Variants in ARHGAP29 observed in about 807,000 individuals in gnomAD.
ARHGAP29 encodes the protein rho GTPase-activating protein 29.
ARHGAP29 carries 43 observed loss-of-function variants against 122.6 expected under a neutral mutation model. The ratio of observed to expected loss-of-function variants is 0.35; its 90% CI spans 0.27 to 0.45. ARHGAP29 has a LOEUF of 0.45. ARHGAP29 is among the 20% of genes least tolerant of loss of function. The pLI, the probability that ARHGAP29 is intolerant of heterozygous loss-of-function variation, is 1.00. For synonymous variants in ARHGAP29, 506 were observed against 497.1 expected (o/e 1.02, Z -0.24); for missense variants, 1,303 against 1,477.2 (o/e 0.88, Z 1.93).
chr1:94,202,568 C>A lies in ARHGAP29; in HGVS notation c.1119G>T (p.Arg373Ser). Residue 373 changes from arginine to serine, a missense_variant, in exon 11 of 23, where the codon AGG becomes AGT. By Grantham distance (110) the Arg-to-Ser change is moderately radical. This residue lies in a region of ARHGAP29 where 592 missense variants were observed against 648.2 expected (regional missense o/e 0.91). Transcript: ENST00000260526. ...NLNKQLEKKR[R>S]LEEEALQKVE... ...CTTTTTGGAGAGCCTCCTCTTCCAA[C>A]CTTCGCTTTTTTTCTAGTTGCTTGT... 6.2e-7 allele frequency: 1 copy of A among 1,614,144 alleles called. No homozygotes were observed. Among genetic ancestry groups the A allele is most frequent in the Non-Finnish European group, 8.5e-7 (1 of 1,180,036 alleles).
At chr1:94,185,794 T>G (rs1488231004) in intron 16 of ARHGAP29, among the ~76,000 whole-genome samples, 1 of 152,168 alleles carries the variant, frequency 6.6e-6, no homozygotes. Flanking sequence ...TTCATAGAGC[T>G]GGGAAGTGTG....
At chr1:94,308,615 G>T in the ARHGAP29 span, among the ~76,000 whole-genome samples, 1 of 152,016 alleles carries the variant, frequency 6.6e-6, no homozygotes, top group Non-Finnish European at 1.5e-5. Context: ...TGTTGGATGG[G>T]GTTGCATCTT....
the ARHGAP29 span, among the ~76,000 whole-genome samples, chr1:94,314,579 C>T: frequency 6.6e-6 from 1 of 152,204 alleles, no homozygotes; most frequent in African/African-American, 2.4e-5. Flanking sequence ...ACCACTCAGA[C>T]AGACCCCTTT....
chr1:94,251,524 T>G (rs1654093421), intron 1 of ARHGAP29, among the ~76,000 whole-genome samples: 1 of 152,174 alleles, frequency 6.6e-6, no homozygotes, highest in Non-Finnish European at 1.5e-5. Context: ...AAATTGACAT[T>G]AACATGAAGT....
intron 3 of ARHGAP29, among the ~76,000 whole-genome samples, chr1:94,218,260 GT>G (rs1268638937): frequency 6.6e-6 from 1 of 152,152 alleles, no homozygotes; most frequent in Non-Finnish European, 1.5e-5. Context: ...GTCTCATAGA[GT>G]TCTACCAAAC....
In ARHGAP29 at chr1:94,227,103, A is replaced by T. The variant is rs912783880; in HGVS notation, c.205+4304T>A. 2.0e-5 allele frequency among the ~76,000 whole-genome samples: 3 copies of T among 148,310 alleles called. No individual in the cohort carries two copies. The Admixed American group carries it at 2.1e-4, about 10-fold the overall frequency. ...TGCAGAACCTCTCATAACAGAATAT[A>T]TTATTTAATGGTATTAAACTTTTCA... On this transcript the variant is annotated intron_variant, in intron 2 of 22. Transcript: ENST00000260526.
rs1409803371 is a variant in ARHGAP29 at position 94,202,673 on chromosome 1, T to C, written c.1014A>G (p.Glu338=). Residue 338 remains glutamate, a synonymous_variant, in exon 11 of 23, where the codon GAA becomes GAG. Transcript: ENST00000260526. Reference sequence around the variant, plus strand: ...ACATGGAAGACTTTGCTTTCTCATATTCATCTTGACGTTGCATGCATAATA... The same window carrying C: ...ACATGGAAGACTTTGCTTTCTCATACTCATCTTGACGTTGCATGCATAATA... ...AKLLCMQRQD[E]YEKAKSSMFR... is the part of the protein sequence containing the mutation. The C allele has an allele frequency of 4.3e-6, 7 of 1,614,202 alleles. No individual in the cohort carries two copies. The highest frequency in any genetic ancestry group is 5.9e-6 in the Non-Finnish European group (7 of 1,180,038).
chr1:94,177,995 T>A lies in ARHGAP29; in HGVS notation c.2653A>T (p.Ile885Phe). The A allele has an allele frequency of 6.2e-7, 1 of 1,614,156 alleles. No individual in the cohort carries two copies. The change falls in exon 21 of 23, where the codon ATC (isoleucine) becomes TTC (phenylalanine). Residue 885 changes from isoleucine (I) to phenylalanine (F), a missense_variant. Ile to Phe is a conservative substitution (Grantham distance 21, BLOSUM62 0). This residue lies in a region of ARHGAP29 where 620 missense variants were observed against 651.2 expected (regional missense o/e 0.95). Transcript: ENST00000260526. ...TGTGGTTGTAGGGACCCATCGAAGA[T>A]CTTCTGTGAGTAAGTAATGAGAAAC... Reference protein sequence around the residue: ...VEFLITYSQKIFDGSLQPQDV... With the variant: ...VEFLITYSQKFFDGSLQPQDV...
intron 5 of ARHGAP29, among the ~76,000 whole-genome samples, chr1:94,207,091 C>T (rs1651250321): frequency 1.2e-5 from 1 of 81,056 alleles, no homozygotes; most frequent in Admixed American, 1.7e-4. Context: ...TCACTGCAAC[C>T]TCTGCCTTCT....
chr1:94,264,942 TTCAC>T lies in ARHGAP29; in HGVS notation c.-33+10066_-33+10069del, dbSNP rs767074403. Reference sequence around the variant, plus strand: ...TTGCCCCTGACTCTGGTGACTCCCTTTCACTTTGGCTCAAGGCTTTACTATTCCC... The same window carrying T: ...TTGCCCCTGACTCTGGTGACTCCCTTTTTGGCTCAAGGCTTTACTATTCCC... On this transcript the variant is annotated intron_variant and NMD_transcript_variant, in intron 1 of 25. Coordinates refer to the ARHGAP29 transcript ENST00000552844. Among the ~76,000 whole-genome samples, 11 of 152,356 alleles carry T rather than the reference TTCAC, an allele frequency of 7.2e-5. 1 individual carries two copies. The highest frequency in any genetic ancestry group is 3.9e-4 in the Admixed American group (6 of 15,304).
the ARHGAP29 span, among the ~76,000 whole-genome samples, chr1:94,281,152 T>A: frequency 4.6e-5 from 7 of 152,220 alleles, no homozygotes; most frequent in African/African-American, 1.7e-4. Flanking sequence ...AATATTTGCA[T>A]CTTAAGGTAT....
At chr1:94,297,652 G>A in the ARHGAP29 span, among the ~76,000 whole-genome samples, 10 of 152,234 alleles carry the variant, frequency 6.6e-5, no homozygotes, top group South Asian at 2.1e-4. Context: ...AGTTACGCTC[G>A]TCAGTCACCC....
intron 1 of ARHGAP29, among the ~76,000 whole-genome samples, chr1:94,246,480 A>G (rs1367333731): frequency 6.6e-6 from 1 of 152,238 alleles, no homozygotes; most frequent in East Asian, 1.9e-4. Flanking sequence ...GAACTTTCAT[A>G]AAACATCTCC....
chr1:94,251,390 C>T (rs941035310), intron 1 of ARHGAP29, among the ~76,000 whole-genome samples: 1 of 151,884 alleles, frequency 6.6e-6, no homozygotes, highest in African/African-American at 2.4e-5. Flanking sequence ...AGGATGGTCT[C>T]GGCCCCCCAA....
chr1:94,268,940 T>C (rs1245606917), intron 1 of ARHGAP29, among the ~76,000 whole-genome samples: 2 of 152,200 alleles, frequency 1.3e-5, no homozygotes, highest in African/African-American at 2.4e-5. Context: ...ACACACATTA[T>C]ACATATATAA....
intron 1 of ARHGAP29, among the ~76,000 whole-genome samples, chr1:94,272,543 T>C (rs747640471): frequency 6.6e-6 from 1 of 152,236 alleles, no homozygotes; most frequent in Non-Finnish European, 1.5e-5. Flanking sequence ...ACAGTCTACC[T>C]AGGCTGGTCC....
chr1:94,220,012 A>G (rs750416453), intron 3 of ARHGAP29, among the ~76,000 whole-genome samples: 4 of 152,324 alleles, frequency 2.6e-5, no homozygotes, highest in African/African-American at 4.8e-5. Context: ...TTTAAACATC[A>G]GTTGTTTGGT....
chr1:94,205,364 G>C (rs550070238), intron 6 of ARHGAP29, among the ~76,000 whole-genome samples, 166 bp from the exon 7 acceptor site: 12 of 151,994 alleles, frequency 7.9e-5, no homozygotes, highest in African/African-American at 2.9e-4. Context: ...ACTTAAAATG[G>C]TTTCAAACTA....
chr1:94,174,871 T>C (rs1648994048), intron 22 of ARHGAP29, 122 bp from the exon 23 acceptor site: 2 of 1,102,018 alleles, frequency 1.8e-6, no homozygotes, highest in Non-Finnish European at 2.6e-6. Context: ...CAAAATAATA[T>C]TCTCAGTTAC....
Sources: allele counts gnomAD v4.1 joint callset (sites outside exome capture counted in the v4.1 genomes callset), GRCh38; gene constraint gnomAD v4.1.1; regional missense constraint gnomAD v4.1.1; transcripts MANE v1.5; gene names NCBI Gene and HGNC (gene_info 2026-07-23, HGNC 2026-07-21).